The following KCNIP3 variants were observed in gnomAD, a reference collection of about 807,000 sequenced individuals.
KCNIP3 encodes the protein calsenilin.
Under a neutral mutation model 35.0 loss-of-function variants are expected in KCNIP3, and 28 were observed. The ratio of observed to expected loss-of-function variants is 0.80; its 90% CI spans 0.59 to 1.10. The LOEUF (loss-of-function observed/expected upper bound fraction) is 1.10. KCNIP3 is among the 50% of genes least tolerant of loss of function. KCNIP3 has a pLI of 0.00. For synonymous variants in KCNIP3, 134 were observed against 133.8 expected, an observed-to-expected ratio of 1.00 and a Z score of -0.01; for missense variants, 295 against 338.4, an observed-to-expected ratio of 0.87 and a Z score of 1.01.
chr2:95,336,144 G>C (rs1448791460), intron 2 of KCNIP3, among the ~76,000 whole-genome samples: 1 of 152,168 alleles, frequency 6.6e-6, no homozygotes, highest in African/African-American at 2.4e-5. Flanking sequence ...AGACAGATGT[G>C]GATTCTAGTT....
At chr2:95,350,473 C>G (rs1679485939) in intron 2 of KCNIP3, among the ~76,000 whole-genome samples, 1 of 152,164 alleles carries the variant, frequency 6.6e-6, no homozygotes, top group Admixed American at 6.5e-5. Context: ...CATGAGGGAA[C>G]CTGCTGACCA....
Position 95,377,818 on chromosome 2 carries a change from T to C in KCNIP3, c.447+2610T>C, listed in dbSNP as rs1367138191. On this transcript the variant is annotated intron_variant, in intron 5 of 8. Coordinates refer to ENST00000295225, the MANE Select transcript of KCNIP3 (RefSeq NM_013434.5). The surrounding 1 kb of genome is among the most constrained non-coding windows in gnomAD (Gnocchi z 4.7). The stretch of plus-strand genomic sequence containing the variant: ...CACACAGAGAGAGGCTAAGGGATAC[T>C]GCATAGGGACATTCCTCAGCTGCTA... Among the ~76,000 whole-genome samples, 1 of 152,232 alleles carries C rather than the reference T, an allele frequency of 6.6e-6. No homozygotes were observed. Among genetic ancestry groups the C allele is most frequent in the East Asian group, 1.9e-4 (1 of 5,196 alleles).
chr2:95,306,267 G>A (rs751140854), intron 1 of KCNIP3, among the ~76,000 whole-genome samples: 2 of 152,170 alleles, frequency 1.3e-5, no homozygotes, highest in Non-Finnish European at 2.9e-5. Context: ...TCTTCCCGCC[G>A]CCTTTGCCAT....
intron 1 of KCNIP3, among the ~76,000 whole-genome samples, chr2:95,302,283 C>T (rs750453347): frequency 6.6e-6 from 1 of 152,194 alleles, no homozygotes; most frequent in African/African-American, 2.4e-5. Context: ...GGGTGAGAAT[C>T]GGGGGACCCC....
intron 5 of KCNIP3, among the ~76,000 whole-genome samples, chr2:95,379,019 A>C (rs1269244023): frequency 6.6e-6 from 1 of 151,964 alleles, no homozygotes; most frequent in Non-Finnish European, 1.5e-5. Flanking sequence ...GTAGCCAGTC[A>C]CCTGTGCTTG....
intron 2 of KCNIP3, among the ~76,000 whole-genome samples, chr2:95,360,005 C>T (rs1436041364): frequency 6.6e-6 from 1 of 152,218 alleles, no homozygotes; most frequent in Non-Finnish European, 1.5e-5. Context: ...TCCTGAAATG[C>T]CTTCATGATA....
At chr2:95,318,461 C>T (rs1452167914) in intron 2 of KCNIP3, among the ~76,000 whole-genome samples, 1 of 152,248 alleles carries the variant, frequency 6.6e-6, no homozygotes, top group Non-Finnish European at 1.5e-5. Context: ...TGACAGCCAC[C>T]TCCCAAAACC....
At chr2:95,353,951 G>A (rs1246954439) in intron 2 of KCNIP3, among the ~76,000 whole-genome samples, 1 of 152,230 alleles carries the variant, frequency 6.6e-6, no homozygotes, top group South Asian at 2.1e-4. Flanking sequence ...TCACCATCTG[G>A]CAGTGCACAG....
chr2:95,304,437 GGCAGTGGGGA>G (rs1573477429), intron 1 of KCNIP3, among the ~76,000 whole-genome samples: 1 of 152,190 alleles, frequency 6.6e-6, no homozygotes, highest in African/African-American at 2.4e-5. Context: ...TAAAGAGAAT[GGCAGTGGGGA>G]GCTGGAGAGT....
chr2:95,297,587 A>T, intron 1 of KCNIP3, 134 bp downstream of exon 1: 1 of 760,930 alleles, frequency 1.3e-6, no homozygotes, highest in Non-Finnish European at 2.1e-6. Flanking sequence ...TCCTTTGGGG[A>T]AAGTGAGCGT....
At chr2:95,324,467 T>C (rs1375623769) in intron 2 of KCNIP3, among the ~76,000 whole-genome samples, 6 of 151,232 alleles carry the variant, frequency 4.0e-5, no homozygotes, top group African/African-American at 9.7e-5. Context: ...TAAGCGAGAT[T>C]GCGCCACTGC....
chr2:95,360,535 G>A (rs528665125), intron 2 of KCNIP3, among the ~76,000 whole-genome samples: 5 of 152,148 alleles, frequency 3.3e-5, no homozygotes, highest in Non-Finnish European at 5.9e-5. Flanking sequence ...ACATTTTTAA[G>A]TATTTGTTAT....
intron 2 of KCNIP3, among the ~76,000 whole-genome samples, chr2:95,330,858 C>A (rs1455554737): frequency 2.6e-5 from 4 of 152,218 alleles, no homozygotes; most frequent in Non-Finnish European, 4.4e-5. Flanking sequence ...AGAATAAAAA[C>A]CCCTAGAGCT....
chr2:95,315,004 T>C (rs1207808567), intron 2 of KCNIP3, among the ~76,000 whole-genome samples: 3 of 152,198 alleles, frequency 2.0e-5, no homozygotes, highest in East Asian at 3.9e-4. Context: ...TGAGGCCAGC[T>C]GCCTCTGGGG....
In KCNIP3 at chr2:95,374,839, C is replaced by A. The variant is rs778852689; in HGVS notation, c.307-9C>A. 3.7e-6 allele frequency: 6 copies of A among 1,613,412 alleles called. No individual in the cohort carries two copies. The highest frequency in any genetic ancestry group is 4.2e-6 in the Non-Finnish European group (5 of 1,179,942). On this transcript the variant is annotated splice_polypyrimidine_tract_variant and intron_variant, in intron 3 of 8. Transcript: ENST00000295225. ...GGCCGAGGGCTGAGGGGGTGCCTTC[C>A]TGCTGCAGGAGTGTCCCACGGGCCT...
chr2:95,374,124 G>A (rs1385828423), intron 2 of KCNIP3, among the ~76,000 whole-genome samples, 172 bp from the exon 3 acceptor site: 3 of 152,350 alleles, frequency 2.0e-5, no homozygotes, highest in Non-Finnish European at 2.9e-5. Context: ...TCTTGTGTGG[G>A]CCACTCAGTC....
chr2:95,343,313 T>TGA (rs1438351148), intron 2 of KCNIP3, among the ~76,000 whole-genome samples: 2 of 152,054 alleles, frequency 1.3e-5, no homozygotes, highest in Non-Finnish European at 2.9e-5. Context: ...TGAGGAGCCT[T>TGA]GAGAGTGTGA....
intron 2 of KCNIP3, among the ~76,000 whole-genome samples, chr2:95,359,978 A>G (rs1247080886): frequency 6.6e-6 from 1 of 152,218 alleles, no homozygotes; most frequent in African/African-American, 2.4e-5. Flanking sequence ...CTGTGATGAG[A>G]GGGGCAGCTT....
At chr2:95,345,375 G>A (rs564158298) in intron 2 of KCNIP3, among the ~76,000 whole-genome samples, 1 of 152,340 alleles carries the variant, frequency 6.6e-6, no homozygotes, top group African/African-American at 2.4e-5. Context: ...AAGCTCAAAG[G>A]CTTGGCACAC....
Sources: allele counts gnomAD v4.1 joint callset (sites outside exome capture counted in the v4.1 genomes callset), GRCh38; gene constraint gnomAD v4.1.1; non-coding constraint Gnocchi (gnomAD v3.1); transcripts MANE v1.5; gene names NCBI Gene and HGNC (gene_info 2026-07-23, HGNC 2026-07-21).